KHDRBS1: variants seen among roughly 807,000 people sequenced by gnomAD.
KHDRBS1 encodes the protein KH RNA binding domain containing, signal transduction associated 1.
In KHDRBS1, 7 loss-of-function variants were observed where a neutral mutation model predicts 48.4. That is an observed-to-expected ratio of 0.14 (90% confidence interval 0.08 to 0.27). The LOEUF is 0.27. KHDRBS1 is among the 10% of genes least tolerant of loss of function. The pLI is 1.00. For synonymous variants in KHDRBS1, 241 were observed against 235.8 expected, an observed-to-expected ratio of 1.02 and a Z score of -0.20; for missense variants, 458 against 601.2, an observed-to-expected ratio of 0.76 and a Z score of 2.49.
chr1:32,040,360 G>A (rs1051402918), intron 8 of KHDRBS1, among the ~76,000 whole-genome samples: 2 of 151,962 alleles, frequency 1.3e-5, no homozygotes, highest in South Asian at 4.1e-4. Context: ...AGGTTGCAAC[G>A]AGCTGAGACC....
chr1:32,039,588 C>G lies in KHDRBS1; in HGVS notation c.1234+15C>G. 2 of 1,348,644 alleles carry G rather than the reference C, an allele frequency of 1.5e-6. No homozygotes were observed. Among genetic ancestry groups the G allele is most frequent in the Non-Finnish European group, 2.1e-6 (2 of 937,766 alleles). The allele number at this position is 1,348,644 out of a possible 1,614,324, so 83.5% of individuals were successfully genotyped here. ...TGAAGCTTATGGTATGTCTTTATCT[C>G]TGTGGTGGGGCAGAATGTACAAGTA... On this transcript the variant is annotated intron_variant, in intron 8 of 8. Coordinates refer to ENST00000327300, the MANE Select transcript of KHDRBS1 (RefSeq NM_006559.3).
chr1:32,039,398 A>G, intron 7 of KHDRBS1, 117 bp from the exon 8 acceptor site: 1 of 701,042 alleles, frequency 1.4e-6, no homozygotes, highest in East Asian at 2.5e-5. Context: ...ATGGGGCAGA[A>G]TGAGTATTTT....
chr1:32,036,836 C>T (rs762261727), intron 4 of KHDRBS1, 74 bp from the exon 5 acceptor site: 10 of 1,467,240 alleles, frequency 6.8e-6, no homozygotes, highest in Non-Finnish European at 9.2e-6. Flanking sequence ...GAATTCAAGT[C>T]TCCCGTGGAC....
chr1:32,049,077 C>T (rs550422553), intron 10 of KHDRBS1, among the ~76,000 whole-genome samples: 161 of 148,778 alleles, frequency 1.1e-3, no homozygotes, highest in Non-Finnish European at 2.0e-3. Flanking sequence ...TTTTTTGAGA[C>T]GGGGTGTTGC....
downstream of KHDRBS1, among the ~76,000 whole-genome samples, chr1:32,048,594 T>C (rs1411541824): frequency 6.6e-6 from 1 of 152,208 alleles, no homozygotes; most frequent in Non-Finnish European, 1.5e-5. Flanking sequence ...TCTGTTAGTA[T>C]AAATTAAAGG....
intron 1 of KHDRBS1, among the ~76,000 whole-genome samples, chr1:32,019,735 T>G (rs1638819008): frequency 6.6e-6 from 1 of 152,242 alleles, no homozygotes; most frequent in South Asian, 2.1e-4. Context: ...TATCATTAAG[T>G]ATACATTTAT....
chr1:32,016,701 G>A (rs890995663), intron 1 of KHDRBS1, among the ~76,000 whole-genome samples: 1 of 152,088 alleles, frequency 6.6e-6, no homozygotes, highest in African/African-American at 2.4e-5. Flanking sequence ...CACCTACACA[G>A]CTCTCCTCTT....
At chr1:32,021,179 G>A (rs574597873) in intron 1 of KHDRBS1, among the ~76,000 whole-genome samples, 1 of 152,078 alleles carries the variant, frequency 6.6e-6, no homozygotes, top group South Asian at 2.1e-4. Flanking sequence ...GAAAAGATTT[G>A]GGAGACCATA....
intron 3 of KHDRBS1, 40 bp downstream of exon 3, chr1:32,031,680 CT>C (rs1639082397): frequency 1.6e-6 from 2 of 1,284,286 alleles, no homozygotes; most frequent in African/African-American, 1.5e-5. Context: ...ATCCTAATGC[CT>C]TCTACTTGCC....
At position 32,033,170 on chromosome 1, in the gene KHDRBS1, C is replaced by G. The variant is rs1269773149; in HGVS notation, c.625-18C>G. On this transcript the variant is annotated intron_variant, in intron 3 of 8. Transcript: ENST00000327300. ...CTCCCTAGTCCATGGTGTGACATTTCTCTGCATTTTTCCATAGGAGGAAGA... is the reference window on the plus strand; with the variant it reads ...CTCCCTAGTCCATGGTGTGACATTTGTCTGCATTTTTCCATAGGAGGAAGA... 1.2e-6 allele frequency: 2 copies of G among 1,609,516 alleles called. No individual in the cohort carries two copies. The highest frequency in any genetic ancestry group is 1.7e-6 in the Non-Finnish European group (2 of 1,176,030).
chr1:32,014,149 C>G lies in KHDRBS1; in HGVS notation c.154C>G (p.Arg52Gly). The G allele has an allele frequency of 7.7e-7, 1 of 1,306,582 alleles. No homozygotes were observed. The highest frequency in any genetic ancestry group is 9.7e-7 in the Non-Finnish European group (1 of 1,029,012). 80.9% of individuals were successfully genotyped at this position (1,306,582 alleles called of 1,614,324 possible). A position where few individuals can be genotyped will look rare whatever the true frequency, so the allele number is the denominator to read the frequency against. ...GTCCCGGGGAGGCGGAGGGGGATCC[C>G]GCGGGGGCGCCCGGGCCTCGCCCGC... Reference protein sequence around the residue: ...HRSRGGGGGSRGGARASPATQ... With the variant: ...HRSRGGGGGSGGGARASPATQ... Residue 52 changes from arginine to glycine, a missense_variant, in exon 1 of 9, where the codon CGC becomes GGC. By Grantham distance (125) the Arg-to-Gly change is moderately radical (BLOSUM62 -2). Around this residue, in one of 3 missense-constraint regions of KHDRBS1, gnomAD observed 213 missense variants for 215.6 expected, o/e 0.99. Coordinates refer to ENST00000327300, the MANE Select transcript of KHDRBS1 (RefSeq NM_006559.3).
chr1:32,033,128 G>T, intron 3 of KHDRBS1, 60 bp from the exon 4 acceptor site: 1 of 1,385,576 alleles, frequency 7.2e-7, no homozygotes, highest in Non-Finnish European at 1.0e-6. Flanking sequence ...TTGGCTTAGA[G>T]GTAAAGGTGG....
At chr1:32,060,723 A>AT (rs1249804699) in exon 11 of KHDRBS1, 3 of 152,160 alleles carry the variant, frequency 2.0e-5, no homozygotes, top group African/African-American at 7.2e-5. Flanking sequence ...TTTTCTCTTC[A>AT]TTGTTTATTA....
intron 3 of KHDRBS1, among the ~76,000 whole-genome samples, chr1:32,032,162 CT>C (rs1051584632): frequency 5.9e-5 from 9 of 152,112 alleles, no homozygotes; most frequent in Admixed American, 3.3e-4. Flanking sequence ...TCTAATGCGT[CT>C]TTTTTTTCCC....
At position 32,049,505 on chromosome 1, in the gene KHDRBS1, C is replaced by T. The variant is rs1406308958; in HGVS notation, n.1301+4115C>T. ...ATTTATTCATTGATCCATTGACAGG[C>T]ATTTGGATTATTTCTACTTTTTGGC... On this transcript the variant is annotated intron_variant and non_coding_transcript_variant, in intron 10 of 10. Transcript: ENST00000484270. Among the ~76,000 whole-genome samples the T allele has an allele frequency of 3.3e-5, 5 of 151,696 alleles. No individual in the cohort carries two copies. The East Asian group carries it at 9.7e-4, about 29-fold the overall frequency.
intron 10 of KHDRBS1, chr1:32,060,029 T>C (rs543167268): frequency 6.6e-6 from 1 of 152,266 alleles, no homozygotes; most frequent in South Asian, 2.1e-4. Context: ...CCCAAGAAAC[T>C]TGTGTACTGA....
intron 3 of KHDRBS1, 35 bp from the exon 4 acceptor site, chr1:32,033,153 T>A: frequency 6.3e-7 from 1 of 1,594,396 alleles, no homozygotes; most frequent in South Asian, 1.1e-5. Context: ...TTCTCCCTAG[T>A]CCATGGTGTG....
At position 32,013,943 on chromosome 1, in the gene KHDRBS1, C is replaced by T; in HGVS notation, c.-53C>T. 2.2e-6 allele frequency: 3 copies of T among 1,379,752 alleles called. No homozygotes were observed. The highest frequency in any genetic ancestry group is 2.8e-6 in the Non-Finnish European group (3 of 1,069,560). The allele number at this position is 1,379,752 out of a possible 1,614,324, so 85.5% of individuals were successfully genotyped here. A position where few individuals can be genotyped will look rare whatever the true frequency, so the allele number is the denominator to read the frequency against. On this transcript the variant is annotated 5_prime_UTR_variant, in exon 1 of 9. Transcript: ENST00000327300. Reference sequence around the variant, plus strand: ...CCACCCCCGCCAACCGCCGCTCGGGCCTCCGTCGCTGCCGCGTCGCTTTCT... The same window carrying T: ...CCACCCCCGCCAACCGCCGCTCGGGTCTCCGTCGCTGCCGCGTCGCTTTCT...
chr1:32,054,178 C>T (rs1198927538), intron 10 of KHDRBS1, among the ~76,000 whole-genome samples: 2 of 152,054 alleles, frequency 1.3e-5, no homozygotes, highest in Non-Finnish European at 2.9e-5. Context: ...ACATATTAAT[C>T]AAGGGGTTTG....
Sources: allele counts gnomAD v4.1 joint callset (sites outside exome capture counted in the v4.1 genomes callset), GRCh38; gene constraint gnomAD v4.1.1; regional missense constraint gnomAD v4.1.1; transcripts MANE v1.5; gene names NCBI Gene and HGNC (gene_info 2026-07-23, HGNC 2026-07-21).